Variants in CAMKK2 observed in about 807,000 individuals in gnomAD.
CAMKK2 encodes calcium/calmodulin-dependent protein kinase kinase 2.
Under a neutral mutation model 67.2 loss-of-function variants are expected in CAMKK2, and 30 were observed. That is an observed-to-expected ratio of 0.45 (90% CI 0.33 to 0.61). The LOEUF is 0.61. Among genes scored for constraint, CAMKK2 ranks in the 20% least tolerant of loss-of-function variants. The probability of loss-of-function intolerance (pLI) is 0.02; values close to 1 mark genes in which losing one functional copy is unlikely to be tolerated. For missense variants in CAMKK2, 643 were observed against 802.0 expected, an observed-to-expected ratio of 0.80 and a Z score of 2.39; for synonymous variants, 322 against 326.2, an observed-to-expected ratio of 0.99 and a Z score of 0.14.
chr12:121,268,878 G>A (rs1895168891), intron 4 of CAMKK2, among the ~76,000 whole-genome samples, 189 bp from the exon 5 acceptor site: 1 of 152,152 alleles, frequency 6.6e-6, no homozygotes. Flanking sequence ...GGGGTTGTAG[G>A]GAGGCTGGAC....
At chr12:121,247,732 AGGT>A (rs1164927528) in intron 14 of CAMKK2, among the ~76,000 whole-genome samples, 1 of 152,054 alleles carries the variant, frequency 6.6e-6, no homozygotes, top group African/African-American at 2.4e-5. Context: ...CAGAGAAGAG[AGGT>A]GCAAAGCTGG....
intron 1 of CAMKK2, among the ~76,000 whole-genome samples, chr12:121,282,764 CTTTTCTTTTT>C (rs59891895): frequency 0.046 from 6,949 of 151,780 alleles, 499 homozygotes; most frequent in African/African-American, 0.16. Flanking sequence ...CTTTTCTTTT[CTTTTCTTTTT>C]GACAGAGTCT....
Position 121,276,903 on chromosome 12 carries a change from G to T in CAMKK2, c.-59-2318C>A, listed in dbSNP as rs1483099014. Among the ~76,000 whole-genome samples the T allele has an allele frequency of 3.3e-3, 196 of 59,192 alleles. 2 individuals are homozygous for T. The highest frequency in any genetic ancestry group is 3.8e-3 in the African/African-American group (30 of 7,926). 38.8% of individuals were successfully genotyped at this position (59,192 alleles called of 152,430 possible). A position where few individuals can be genotyped will look rare whatever the true frequency, so the allele number is the denominator to read the frequency against. Reference sequence around the variant, plus strand: ...CCATCTCAAAAAAAAAGGGCGGGGTGGGGGGGGGGTCTCTCTAGATGTCCC... The same window carrying T: ...CCATCTCAAAAAAAAAGGGCGGGGTTGGGGGGGGGTCTCTCTAGATGTCCC... On this transcript the variant is annotated intron_variant, in intron 1 of 16. Transcript: ENST00000404169.
chr12:121,280,731 A>G (rs1007603448), intron 1 of CAMKK2, among the ~76,000 whole-genome samples: 1 of 152,104 alleles, frequency 6.6e-6, no homozygotes, highest in African/African-American at 2.4e-5. Flanking sequence ...CCAGTCTCCC[A>G]TAGCGCTCCC....
chr12:121,240,786 G>A lies in CAMKK2; in HGVS notation c.1680C>T (p.Pro560=), dbSNP rs779797646. 1 of 1,609,560 alleles carries A rather than the reference G, an allele frequency of 6.2e-7. No homozygotes were observed. The highest frequency in any genetic ancestry group is 8.5e-7 in the Non-Finnish European group (1 of 1,179,046). The change falls in exon 17 of 17, where the codon CCC becomes CCT. Residue 560 remains proline (P), a synonymous_variant. Coordinates refer to ENST00000404169, the MANE Select transcript of CAMKK2 (RefSeq NM_001270485.2). This position sits in a 1 kb window ranked among gnomAD's most constrained non-coding sequence, Gnocchi z 4.4. ...GGGSALVRGS[P]CVESCWAPAP... is the part of the protein sequence containing the mutation. Reference sequence around the variant, plus strand: ...CGGGGGCCCAGCAACTTTCCACGCAGGGACTGCCTCTCACAAGAGCACTTC... The same window carrying A: ...CGGGGGCCCAGCAACTTTCCACGCAAGGACTGCCTCTCACAAGAGCACTTC...
chr12:121,254,232 G>A (rs1891383942), intron 9 of CAMKK2, among the ~76,000 whole-genome samples: 1 of 152,052 alleles, frequency 6.6e-6, no homozygotes, highest in Admixed American at 6.6e-5. Flanking sequence ...GCAAGGCAGG[G>A]GGATCACCTG....
chr12:121,269,376 G>T, intron 4 of CAMKK2, 152 bp downstream of exon 4: 1 of 653,168 alleles, frequency 1.5e-6, no homozygotes, highest in Non-Finnish European at 2.7e-6. Flanking sequence ...CTGTAAAATG[G>T]GCATACCACT....
At chr12:121,288,332 C>T (rs1004727977) in intron 1 of CAMKK2, among the ~76,000 whole-genome samples, 4 of 152,170 alleles carry the variant, frequency 2.6e-5, no homozygotes, top group African/African-American at 9.7e-5. Context: ...CTCTCCCTCC[C>T]TCCTCCCCAC....
chr12:121,263,778 T>C, intron 6 of CAMKK2, 28 bp downstream of exon 6: 1 of 1,577,138 alleles, frequency 6.3e-7, no homozygotes, highest in Non-Finnish European at 8.7e-7. Context: ...AGGGCCTCCC[T>C]CCCTCCTGGG....
chr12:121,259,899 A>G (rs1403035270), intron 7 of CAMKK2, among the ~76,000 whole-genome samples: 2 of 152,154 alleles, frequency 1.3e-5, no homozygotes, highest in African/African-American at 2.4e-5. Flanking sequence ...GCTGGACAAC[A>G]TAGTGACACT....
chr12:121,272,366 C>T (rs990568899), intron 2 of CAMKK2, among the ~76,000 whole-genome samples: 6 of 152,106 alleles, frequency 3.9e-5, no homozygotes, highest in South Asian at 2.1e-4. Context: ...TACAGATATA[C>T]GCCACAACAT....
At chr12:121,267,757 G>A (rs775584349) in intron 5 of CAMKK2, among the ~76,000 whole-genome samples, 2 of 152,040 alleles carry the variant, frequency 1.3e-5, no homozygotes, top group African/African-American at 2.4e-5. Context: ...GCCTCCCAGA[G>A]TGCTGGGATT....
At chr12:121,250,176 T>C in intron 11 of CAMKK2, 142 bp from the exon 12 acceptor site, 2 of 698,538 alleles carry the variant, frequency 2.9e-6, no homozygotes, top group Non-Finnish European at 5.0e-6. Flanking sequence ...GCAGTTCCCA[T>C]TCTCCCCGAG....
In CAMKK2 at chr12:121,237,911, A is replaced by G. The variant is rs2567982; in HGVS notation, c.*2788T>C. ...ATTGAATCGATCACAGAGTAGAAAA[A>G]TCTGCAGTCCCCAGAAACTCGGCCT... is the stretch of plus-strand genomic sequence containing the variant. On this transcript the variant is annotated 3_prime_UTR_variant, in exon 17 of 17. Transcript: ENST00000404169. The surrounding 1 kb of genome is among the most constrained non-coding windows in gnomAD (Gnocchi z 4.5). 8,436 of 152,736 alleles carry G rather than the reference A, an allele frequency of 0.055. 251 individuals carry two copies. The highest frequency in any genetic ancestry group is 0.12 in the South Asian group (568 of 4,822). The allele number at this position is 152,736 out of a possible 1,614,324, so 9.5% of individuals were successfully genotyped here.
At chr12:121,264,258 G>A (rs1894061228) in intron 5 of CAMKK2, among the ~76,000 whole-genome samples, 1 of 152,246 alleles carries the variant, frequency 6.6e-6, no homozygotes, top group Non-Finnish European at 1.5e-5. Flanking sequence ...CACCCAGGGT[G>A]AGTCAATCAC....
chr12:121,278,121 C>A (rs1043108197), intron 1 of CAMKK2, among the ~76,000 whole-genome samples: 4 of 152,114 alleles, frequency 2.6e-5, no homozygotes, highest in Non-Finnish European at 5.9e-5. Context: ...TTCTCTGTCC[C>A]CCATTCCCCC....
intron 1 of CAMKK2, among the ~76,000 whole-genome samples, chr12:121,294,569 G>A (rs1029044735): frequency 6.6e-6 from 1 of 152,180 alleles, no homozygotes; most frequent in Non-Finnish European, 1.5e-5. Flanking sequence ...GAAGCTCAGG[G>A]CAGCCTTGCC....
intron 1 of CAMKK2, 46 bp from the exon 2 acceptor site, chr12:121,274,631 G>C: frequency 2.7e-6 from 2 of 731,220 alleles, no homozygotes; most frequent in South Asian, 1.8e-5. Flanking sequence ...TACGGGCAGG[G>C]ACAGGAAAGG....
At chr12:121,255,676 C>T (rs1450256698) in intron 8 of CAMKK2, 38 bp from the exon 9 acceptor site, 1 of 1,608,952 alleles carries the variant, frequency 6.2e-7, no homozygotes. Context: ...CAAAGCAGAC[C>T]CGCCAGCCCT....
Sources: allele counts gnomAD v4.1 joint callset (sites outside exome capture counted in the v4.1 genomes callset), GRCh38; gene constraint gnomAD v4.1.1; non-coding constraint Gnocchi (gnomAD v3.1); transcripts MANE v1.5; gene names NCBI Gene and HGNC (gene_info 2026-07-23, HGNC 2026-07-21).